PTPRD: variants seen among roughly 807,000 people sequenced by gnomAD.
The protein encoded by PTPRD is receptor-type tyrosine-protein phosphatase delta.
PTPRD carries 34 observed loss-of-function variants against 214.5 expected under a neutral mutation model. The observed-to-expected ratio is 0.16, with a 90% confidence interval of 0.12 to 0.21. PTPRD has a LOEUF of 0.21. Among genes scored for constraint, PTPRD ranks in the 10% least tolerant of loss-of-function variants. The pLI is 1.00. For synonymous variants in PTPRD, 1,128 were observed against 845.7 expected, an observed-to-expected ratio of 1.33 and a Z score of -5.79; for missense variants, 2,545 against 2,398.7, an observed-to-expected ratio of 1.06 and a Z score of -1.27.
At position 8,316,463 on chromosome 9, in the gene PTPRD, A is replaced by C. The variant is rs897615164; in HGVS notation, c.*1411T>G. 4 of 230,832 alleles carry C rather than the reference A, an allele frequency of 1.7e-5. No individual in the cohort carries two copies. Among genetic ancestry groups the C allele is most frequent in the Non-Finnish European group, 3.4e-5 (4 of 116,330 alleles). 14.3% of individuals were successfully genotyped at this position (230,832 alleles called of 1,614,324 possible). A position where few individuals can be genotyped will look rare whatever the true frequency, so the allele number is the denominator to read the frequency against. On this transcript the variant is annotated 3_prime_UTR_variant, in exon 46 of 46. Coordinates refer to ENST00000381196, the MANE Select transcript of PTPRD (RefSeq NM_002839.4). ...ACATGAATTTGGCTTTGCCCCTGTT[A>C]CATATCATAAATGCAAATTTCATAG...
intron 5 of PTPRD, among the ~76,000 whole-genome samples, chr9:9,923,812 A>G (rs1164572648): frequency 1.3e-5 from 2 of 151,942 alleles, no homozygotes; most frequent in African/African-American, 4.8e-5. Context: ...TAGAAGTTGT[A>G]CTTCTGCAAA....
intron 10 of PTPRD, among the ~76,000 whole-genome samples, chr9:9,178,015 A>G (rs565816164): frequency 6.6e-6 from 1 of 152,300 alleles, no homozygotes; most frequent in Non-Finnish European, 1.5e-5. Context: ...AACCCATCTC[A>G]TAATAGGAAT....
intron 11 of PTPRD, among the ~76,000 whole-genome samples, chr9:8,779,297 G>C (rs10511509): frequency 0.2 from 30,231 of 151,994 alleles, 3,249 homozygotes; most frequent in African/African-American, 0.28. Context: ...TTTGGAACCT[G>C]TTCTACCATT....
intron 7 of PTPRD, among the ~76,000 whole-genome samples, chr9:9,626,238 T>C (rs749931624): frequency 6.6e-6 from 1 of 152,192 alleles, no homozygotes; most frequent in African/African-American, 2.4e-5. Context: ...ACTCAGAATA[T>C]ATCTGCCGGT....
chr9:8,838,098 G>A (rs562526880), intron 11 of PTPRD, among the ~76,000 whole-genome samples: 1 of 152,156 alleles, frequency 6.6e-6, no homozygotes, highest in Admixed American at 6.5e-5. Context: ...TTAAGGGAGA[G>A]GGGTCCAGCA....
At chr9:10,090,488 T>C (rs893597617) in intron 3 of PTPRD, among the ~76,000 whole-genome samples, 12 of 151,294 alleles carry the variant, frequency 7.9e-5, no homozygotes, top group African/African-American at 2.9e-4. Context: ...ATAAAGCCAT[T>C]CACCATGATT....
intron 10 of PTPRD, among the ~76,000 whole-genome samples, chr9:9,032,691 T>TA (rs1230319767): frequency 1.3e-5 from 2 of 152,096 alleles, no homozygotes; most frequent in Non-Finnish European, 2.9e-5. Flanking sequence ...AGAACTTGTA[T>TA]AGTTCAGACA....
intron 8 of PTPRD, among the ~76,000 whole-genome samples, chr9:9,567,531 C>G (rs868804748): frequency 2.6e-5 from 4 of 151,840 alleles, no homozygotes; most frequent in South Asian, 2.1e-4. Context: ...TGTGATTATC[C>G]CTGGGGACTT....
intron 5 of PTPRD, among the ~76,000 whole-genome samples, chr9:9,772,146 G>C (rs555388833): frequency 6.6e-6 from 1 of 152,178 alleles, no homozygotes; most frequent in African/African-American, 2.4e-5. Context: ...AATCCAATGT[G>C]ACTGGTGTCC....
chr9:9,071,945 G>A (rs1020886725), intron 10 of PTPRD, among the ~76,000 whole-genome samples: 3 of 152,096 alleles, frequency 2.0e-5, no homozygotes, highest in African/African-American at 7.2e-5. Flanking sequence ...ACATAGAAAT[G>A]GTCTGCTGTT....
intron 5 of PTPRD, among the ~76,000 whole-genome samples, chr9:9,816,455 C>T (rs1196765033): frequency 1.3e-5 from 2 of 151,922 alleles, no homozygotes; most frequent in Admixed American, 1.3e-4. Context: ...TGCTTTGGTA[C>T]ATTTACATAA....
intron 39 of PTPRD, among the ~76,000 whole-genome samples, chr9:8,346,236 A>G (rs1406740744): frequency 6.6e-6 from 1 of 152,076 alleles, no homozygotes; most frequent in African/African-American, 2.4e-5. Context: ...ACTCCCCATC[A>G]GTGGTGTGCT....
At chr9:9,991,789 C>A (rs549162538) in intron 4 of PTPRD, among the ~76,000 whole-genome samples, 2 of 151,300 alleles carry the variant, frequency 1.3e-5, no homozygotes, top group African/African-American at 4.9e-5. Flanking sequence ...TTGTCAAAAA[C>A]CAGACAATTC....
At chr9:10,200,497 T>A (rs2099415502) in intron 3 of PTPRD, among the ~76,000 whole-genome samples, 1 of 152,090 alleles carries the variant, frequency 6.6e-6, no homozygotes, top group African/African-American at 2.4e-5. Context: ...ATATTAATAG[T>A]GCAGTTGAAA....
intron 2 of PTPRD, among the ~76,000 whole-genome samples, chr9:10,551,019 T>TAA (rs2061233770): frequency 1.3e-5 from 2 of 152,188 alleles, no homozygotes; most frequent in Admixed American, 6.5e-5. Context: ...CATGGAGACT[T>TAA]TGACACAACT....
chr9:10,501,632 G>A (rs943154689), intron 2 of PTPRD, among the ~76,000 whole-genome samples: 3 of 151,180 alleles, frequency 2.0e-5, no homozygotes, highest in African/African-American at 7.4e-5. Flanking sequence ...AAACAACTTG[G>A]GGGAATTAGA....
At chr9:10,440,663 G>A (rs2098752504) in intron 2 of PTPRD, among the ~76,000 whole-genome samples, 1 of 151,686 alleles carries the variant, frequency 6.6e-6, no homozygotes, top group Non-Finnish European at 1.5e-5. Context: ...AAAGCAATGA[G>A]AAATCTAGGT....
intron 2 of PTPRD, among the ~76,000 whole-genome samples, chr9:10,608,435 C>T (rs1253830586): frequency 1.3e-5 from 2 of 152,048 alleles, no homozygotes; most frequent in East Asian, 1.9e-4. Flanking sequence ...TCTCAATCTA[C>T]GTAACAAGAG....
chr9:8,361,869 C>T (rs894922555), intron 39 of PTPRD, among the ~76,000 whole-genome samples: 1 of 152,176 alleles, frequency 6.6e-6, no homozygotes, highest in Non-Finnish European at 1.5e-5. Flanking sequence ...CAGAAGTCCC[C>T]CACAGGGCAG....
Sources: gnomAD v4.1 joint callset for allele counts (sites outside exome capture counted in the v4.1 genomes callset) on GRCh38, gnomAD v4.1.1 for gene constraint, MANE v1.5 for transcripts, NCBI Gene and HGNC (gene_info 2026-07-23, HGNC 2026-07-21) for gene names.